The following CCDC3 variants were observed in gnomAD, a reference collection of about 807,000 sequenced individuals.
The protein encoded by CCDC3 is coiled-coil domain containing 3.
In CCDC3, 24 loss-of-function variants were observed where a neutral mutation model predicts 21.4. The ratio of observed to expected loss-of-function variants is 1.12; its 90% CI spans 0.81 to 1.58. The LOEUF (loss-of-function observed/expected upper bound fraction) is 1.58. CCDC3 is among the 40% of genes most tolerant of loss of function. The probability of loss-of-function intolerance (pLI) is 0.00; values close to 1 mark genes in which losing one functional copy is unlikely to be tolerated. For synonymous variants in CCDC3, 186 were observed against 166.0 expected, an observed-to-expected ratio of 1.12 and a Z score of -0.93; for missense variants, 425 against 360.9, an observed-to-expected ratio of 1.18 and a Z score of -1.44.
In CCDC3 at chr10:12,986,680, A is replaced by G. The variant is rs914719029; in HGVS notation, c.549+11658T>C. 4.6e-5 allele frequency among the ~76,000 whole-genome samples: 7 copies of G among 151,720 alleles called. 1 individual carries two copies. The highest frequency in any genetic ancestry group is 4.2e-4 in the South Asian group (2 of 4,784). ...TCCCAGCTACTCGGGAGGCTGAGGC[A>G]GGAGAATGGCGTGACGCGGGAGGCG... On this transcript the variant is annotated intron_variant, in intron 2 of 2. Transcript: ENST00000378825.
intron 2 of CCDC3, among the ~76,000 whole-genome samples, chr10:12,911,965 A>G (rs966525094): frequency 1.1e-4 from 16 of 152,206 alleles, no homozygotes; most frequent in African/African-American, 3.6e-4. Context: ...TTTGTCACAA[A>G]TGATGGTATA....
chr10:12,934,444 G>A (rs917850019), intron 2 of CCDC3, among the ~76,000 whole-genome samples: 10 of 152,208 alleles, frequency 6.6e-5, no homozygotes, highest in Non-Finnish European at 1.5e-4. Context: ...GAAGGAGTAT[G>A]TAAGTGGCAA....
At chr10:12,926,298 T>A (rs1015372286) in intron 2 of CCDC3, among the ~76,000 whole-genome samples, 2 of 152,312 alleles carry the variant, frequency 1.3e-5, no homozygotes, top group Middle Eastern at 3.4e-3. Flanking sequence ...GAAACTGACA[T>A]AACCCAATTA....
chr10:13,067,345 T>C lies in CCDC3; in HGVS notation c.-270+6523A>G, dbSNP rs924666906. Among the ~76,000 whole-genome samples, 19 of 152,154 alleles carry C rather than the reference T, an allele frequency of 1.2e-4. 1 individual carries two copies. Among genetic ancestry groups the C allele is most frequent in the African/African-American group, 4.6e-4 (19 of 41,430 alleles). On this transcript the variant is annotated intron_variant, in intron 4 of 6. Transcript: ENST00000378839. Reference sequence around the variant, plus strand: ...TTTCCAACCCTGCATTTTAAACTATTTTTTCCTTTTCTCTACCCTGTCAGC... The same window carrying C: ...TTTCCAACCCTGCATTTTAAACTATCTTTTCCTTTTCTCTACCCTGTCAGC...
intron 5 of CCDC3, among the ~76,000 whole-genome samples, chr10:13,033,252 A>G (rs1357748595): frequency 1.3e-5 from 2 of 152,222 alleles, no homozygotes; most frequent in Non-Finnish European, 2.9e-5. Context: ...AGGATTCCCT[A>G]TTTAATAAAT....
intron 5 of CCDC3, among the ~76,000 whole-genome samples, chr10:13,039,229 A>G (rs1382481347): frequency 6.6e-6 from 1 of 152,158 alleles, no homozygotes; most frequent in Admixed American, 6.6e-5. Flanking sequence ...CAGCCTAGGC[A>G]ACATAGTGAA....
chr10:13,023,386 C>T (rs1836173308), intron 5 of CCDC3, among the ~76,000 whole-genome samples: 1 of 152,134 alleles, frequency 6.6e-6, no homozygotes, highest in South Asian at 2.1e-4. Context: ...AAAGTTGGTG[C>T]TGGCCATTGA....
At chr10:12,925,345 A>C (rs745632577) in intron 2 of CCDC3, among the ~76,000 whole-genome samples, 21 of 151,794 alleles carry the variant, frequency 1.4e-4, no homozygotes, top group Non-Finnish European at 2.9e-4. Context: ...AAACTTAGTC[A>C]AAAAAAATCA....
intron 2 of CCDC3, among the ~76,000 whole-genome samples, chr10:12,922,339 ACTC>A (rs769651852): frequency 1.3e-4 from 19 of 150,556 alleles, no homozygotes; most frequent in Non-Finnish European, 2.7e-4. Context: ...GTTCCCAAAA[ACTC>A]CTCCTAGCCC....
At chr10:13,031,298 G>A (rs1159385641) in intron 5 of CCDC3, among the ~76,000 whole-genome samples, 8 of 152,100 alleles carry the variant, frequency 5.3e-5, no homozygotes, top group African/African-American at 1.7e-4. Flanking sequence ...TGAAACCAAC[G>A]AGAACATAGA....
At chr10:13,004,855 G>A (rs1835907327), upstream of CCDC3, among the ~76,000 whole-genome samples, 1 of 152,078 alleles carries the variant, frequency 6.6e-6, no homozygotes, top group African/African-American at 2.4e-5. Context: ...GACACCCACT[G>A]AGTACATCAA....
At chr10:13,087,503 C>T (rs2131452234) in intron 3 of CCDC3, among the ~76,000 whole-genome samples, 1 of 151,976 alleles carries the variant, frequency 6.6e-6, no homozygotes, top group Middle Eastern at 3.5e-3. Context: ...CTTAGCAGTG[C>T]ACCTTATAAC....
chr10:12,920,149 G>A (rs1187089141), intron 2 of CCDC3, among the ~76,000 whole-genome samples: 1 of 152,134 alleles, frequency 6.6e-6, no homozygotes, highest in African/African-American at 2.4e-5. Context: ...CATGTGGCTG[G>A]GGAGGCCTCA....
intron 5 of CCDC3, among the ~76,000 whole-genome samples, chr10:13,032,036 CA>C (rs757697364): frequency 6.6e-6 from 1 of 151,940 alleles, no homozygotes; most frequent in Non-Finnish European, 1.5e-5. Flanking sequence ...GAGACACAAC[CA>C]AAAAAGAGAA....
chr10:13,018,729 G>A (rs910279608), intron 5 of CCDC3, among the ~76,000 whole-genome samples: 22 of 151,478 alleles, frequency 1.5e-4, no homozygotes, highest in African/African-American at 5.3e-4. Context: ...TCAGGAGTTC[G>A]AGACCAGCCT....
At chr10:13,023,270 C>T (rs187922775) in intron 5 of CCDC3, among the ~76,000 whole-genome samples, 48 of 152,200 alleles carry the variant, frequency 3.2e-4, no homozygotes, top group Admixed American at 2.6e-3. Flanking sequence ...AACAATGTAA[C>T]GTTGCTCACA....
intron 2 of CCDC3, among the ~76,000 whole-genome samples, chr10:12,968,348 T>C (rs1253525753): frequency 2.0e-5 from 3 of 152,130 alleles, no homozygotes; most frequent in Non-Finnish European, 4.4e-5. Flanking sequence ...ATATTCAAAG[T>C]ATTGCAGGAA....
At chr10:12,948,745 T>TTTC (rs1834963218) in intron 2 of CCDC3, among the ~76,000 whole-genome samples, 1 of 145,332 alleles carries the variant, frequency 6.9e-6, no homozygotes, top group East Asian at 2.0e-4. Flanking sequence ...TTTTTTTTTT[T>TTTC]TTTTTGAGAC....
At chr10:12,971,873 G>C (rs1251066922) in intron 2 of CCDC3, among the ~76,000 whole-genome samples, 1 of 151,924 alleles carries the variant, frequency 6.6e-6, no homozygotes, top group Non-Finnish European at 1.5e-5. Context: ...ATTTTTAGTA[G>C]AGACAGGGTT....
Sources: allele counts gnomAD v4.1 joint callset (sites outside exome capture counted in the v4.1 genomes callset), GRCh38; gene constraint gnomAD v4.1.1; transcripts MANE v1.5; gene names NCBI Gene and HGNC (gene_info 2026-07-23, HGNC 2026-07-21).